Variants in STKLD1 observed in about 807,000 individuals in gnomAD.
The protein encoded by STKLD1 is serine/threonine kinase-like domain-containing protein STKLD1.
Under a neutral mutation model 80.4 loss-of-function variants are expected in STKLD1, and 79 were observed. That is an observed-to-expected ratio of 0.98 (90% CI 0.82 to 1.19). The LOEUF is 1.19. Ranked by LOEUF, STKLD1 falls within the 50% of genes most tolerant of loss-of-function variation. STKLD1 has a pLI of 0.00. For synonymous variants in STKLD1, 393 were observed against 357.6 expected (o/e 1.10, Z -1.12); for missense variants, 841 against 856.0 (o/e 0.98, Z 0.22).
At position 133,398,678 on chromosome 9, in the gene STKLD1, C is replaced by T. The variant is rs587770376; in HGVS notation, c.1081+623C>T. The stretch of plus-strand genomic sequence containing the variant: ...TCTGTTATCCTAGCTACTCAGGAGG[C>T]TGAGGCAGGAGGATTGCTTGAGCCC... On this transcript the variant is annotated intron_variant, in intron 11 of 17. Coordinates refer to ENST00000371957, the MANE Select transcript of STKLD1 (RefSeq NM_153710.5). Among the ~76,000 whole-genome samples, 48 of 152,264 alleles carry T rather than the reference C, an allele frequency of 3.2e-4. 2 individuals carry two copies. The South Asian group carries it at 9.7e-3, about 31-fold the overall frequency.
intron 1 of STKLD1, among the ~76,000 whole-genome samples, chr9:133,377,309 A>G (rs2130253399): frequency 6.6e-6 from 1 of 152,274 alleles, no homozygotes; most frequent in Admixed American, 6.5e-5. Flanking sequence ...TTACTGTTTA[A>G]TTTGCTGCCT....
chr9:133,392,776 TGGGC>T (rs1838439741), intron 7 of STKLD1, among the ~76,000 whole-genome samples: 1 of 64,540 alleles, frequency 1.5e-5, no homozygotes, highest in Non-Finnish European at 2.9e-5. Flanking sequence ...GATGGGTGGG[TGGGC>T]AGGTGGGTGG....
chr9:133,383,445 T>C (rs1434429642), intron 2 of STKLD1, among the ~76,000 whole-genome samples: 4 of 104,546 alleles, frequency 3.8e-5, no homozygotes, highest in African/African-American at 1.2e-4. Flanking sequence ...GTGGTGATGG[T>C]GGTGGTGATG....
rs2130274827 is a variant in STKLD1, at chr9:133,385,587, T to A, written c.220-30T>A. The A allele has an allele frequency of 1.9e-6, 3 of 1,609,118 alleles. No individual in the cohort carries two copies. Among genetic ancestry groups the A allele is most frequent in the African/African-American group, 2.7e-5 (2 of 74,850 alleles). On this transcript the variant is annotated intron_variant, in intron 3 of 17. Transcript: ENST00000371957. This position sits in a 1 kb window ranked among gnomAD's most constrained non-coding sequence, Gnocchi z 4.9. ...GAGAAAGGCGTGGAGAGGCACTGACTTCTCCGTTTCCTCTGCTCTATCCTG... is the reference window on the plus strand; with the variant it reads ...GAGAAAGGCGTGGAGAGGCACTGACATCTCCGTTTCCTCTGCTCTATCCTG...
At chr9:133,396,793 A>G (rs2130677407) in intron 9 of STKLD1, among the ~76,000 whole-genome samples, 1 of 152,216 alleles carries the variant, frequency 6.6e-6, no homozygotes, top group East Asian at 1.9e-4. Context: ...AAAAAACCCA[A>G]CATATAGCAA....
At chr9:133,383,059 TG>T (rs1838178983) in intron 2 of STKLD1, among the ~76,000 whole-genome samples, 1 of 151,202 alleles carries the variant, frequency 6.6e-6, no homozygotes, top group Non-Finnish European at 1.5e-5. Flanking sequence ...ATAGTGGTGA[TG>T]GTGACGGTGG....
chr9:133,396,789 C>A (rs1554776781), intron 9 of STKLD1, among the ~76,000 whole-genome samples: 1 of 152,034 alleles, frequency 6.6e-6, no homozygotes, highest in Non-Finnish European at 1.5e-5. Context: ...AAACAAAAAA[C>A]CCAACATATA....
At chr9:133,383,686 G>C (rs1838204258) in intron 2 of STKLD1, among the ~76,000 whole-genome samples, 170 bp from the exon 3 acceptor site, 1 of 138,788 alleles carries the variant, frequency 7.2e-6, no homozygotes, top group Non-Finnish European at 1.6e-5. Flanking sequence ...GGTGATGATG[G>C]TGACAGTGAT....
intron 11 of STKLD1, among the ~76,000 whole-genome samples, chr9:133,398,264 G>C (rs1020159219): frequency 2.6e-5 from 4 of 152,186 alleles, no homozygotes; most frequent in African/African-American, 9.7e-5. Context: ...TGGGTGGTGT[G>C]GCAGCCCTCA....
rs1482698748 is a variant in STKLD1 at position 133,400,523 on chromosome 9, G to C, written c.1192G>C (p.Gly398Arg). Reference protein sequence around the residue: ...CACSLLLHLLGQALVHHPEAK... With the variant: ...CACSLLLHLLRQALVHHPEAK... ...CTGCTCCCTGCTGCTGCACCTCCTGGGCCAAGGTGGGTGCCAAACCAGGCC... is the reference window on the plus strand; with the variant it reads ...CTGCTCCCTGCTGCTGCACCTCCTGCGCCAAGGTGGGTGCCAAACCAGGCC... The change falls in exon 12 of 18, where the codon GGC (glycine) becomes CGC (arginine). Residue 398 changes from glycine (G) to arginine (R), a missense_variant. Physicochemically the swap from Gly to Arg is moderately radical, Grantham distance 125 (BLOSUM62 -2). Coordinates refer to ENST00000371957, the MANE Select transcript of STKLD1 (RefSeq NM_153710.5). 1 of 1,611,614 alleles carries C rather than the reference G, an allele frequency of 6.2e-7. No homozygotes were observed. Among genetic ancestry groups the C allele is most frequent in the Non-Finnish European group, 8.5e-7 (1 of 1,179,288 alleles).
At position 133,376,497 on chromosome 9, in the gene STKLD1, C is replaced by A. The variant is rs952829768; in HGVS notation, c.24C>A (p.Arg8=). MLGPGSN[R]RRPTQGERGP... is the part of the protein sequence containing the mutation. The stretch of plus-strand genomic sequence containing the variant: ...TCATGCTTGGGCCAGGGTCCAATCG[C>A]AGGCGCCCCACGCAGGGGGAGCGAG... Residue 8 remains arginine, a synonymous_variant, in exon 1 of 18, where the codon CGC becomes CGA. Coordinates refer to ENST00000371957, the MANE Select transcript of STKLD1 (RefSeq NM_153710.5). The A allele has an allele frequency of 1.3e-6, 2 of 1,596,948 alleles. No individual in the cohort carries two copies. The highest frequency in any genetic ancestry group is 1.3e-5 in the African/African-American group (1 of 74,496).
chr9:133,402,496 CAACTGG>C (rs1193400802), intron 13 of STKLD1, among the ~76,000 whole-genome samples: 2 of 152,222 alleles, frequency 1.3e-5, no homozygotes, highest in African/African-American at 4.8e-5. Context: ...GAATAGATGT[CAACTGG>C]AACCCTCAGG....
rs1234533133 is a variant in STKLD1 at position 133,387,471 on chromosome 9, G to A, written c.319G>A (p.Val107Met). 6.2e-7 allele frequency: 1 copy of A among 1,614,072 alleles called. No individual in the cohort carries two copies. Among genetic ancestry groups the A allele is most frequent in the Non-Finnish European group, 8.5e-7 (1 of 1,179,998 alleles). Residue 107 changes from valine to methionine, a missense_variant, in exon 5 of 18, where the codon GTG (valine) becomes ATG (methionine). By Grantham distance (21) the Val-to-Met change is conservative. Coordinates refer to ENST00000371957, the MANE Select transcript of STKLD1 (RefSeq NM_153710.5). ...GATCTCTTCTCTGTACCTCTGCCTG[G>A]TGATGGAGTTCAATGAGCTCAGCTT... ...GEISSLYLCLVMEFNELSFQE... is the reference protein window; with the variant it reads ...GEISSLYLCLMMEFNELSFQE...
At chr9:133,395,893 C>G in intron 9 of STKLD1, 130 bp downstream of exon 9, 1 of 955,008 alleles carries the variant, frequency 1.0e-6, no homozygotes, top group East Asian at 2.6e-5. Context: ...CTGATTATCC[C>G]TGCACAGCTG....
chr9:133,390,570 G>A lies in STKLD1; in HGVS notation c.468-111G>A, dbSNP rs996055570. 6 of 738,504 alleles carry A rather than the reference G, an allele frequency of 8.1e-6. No homozygotes were observed. The highest frequency in any genetic ancestry group is 1.4e-5 in the Non-Finnish European group (6 of 419,966). 45.7% of individuals were successfully genotyped at this position (738,504 alleles called of 1,614,324 possible). ...TGCTGCTGCAGAACCAGGTGGGGCA[G>A]GGAGCAGAGAGTCAGGCTCAGCACA... is the stretch of plus-strand genomic sequence containing the variant. On this transcript the variant is annotated intron_variant, in intron 6 of 17. Transcript: ENST00000371957. The surrounding 1 kb of genome is among the most constrained non-coding windows in gnomAD (Gnocchi z 5.1).
chr9:133,391,938 AGATGAAGGGGTGGGTGGCAAGGGGAGAC>A (rs1464201909), intron 7 of STKLD1, among the ~76,000 whole-genome samples: 1 of 151,752 alleles, frequency 6.6e-6, no homozygotes, highest in Non-Finnish European at 1.5e-5. Flanking sequence ...ACAACCCAGG[AGATGAAGGGGTGGGTGGCAAGGGGAGAC>A]GAGTTCTCGT....
intron 14 of STKLD1, 107 bp downstream of exon 14, chr9:133,403,119 A>G: frequency 8.6e-7 from 1 of 1,159,162 alleles, no homozygotes; most frequent in Admixed American, 2.9e-5. Context: ...TGTCCCTAAA[A>G]CACAACAGCC....
At chr9:133,401,642 G>A in intron 12 of STKLD1, 96 bp from the exon 13 acceptor site, 1 of 1,429,796 alleles carries the variant, frequency 7.0e-7, no homozygotes, top group Non-Finnish European at 9.3e-7. Flanking sequence ...TTCATGCAAA[G>A]TGGAGATGCT....
At chr9:133,396,947 C>T (rs1299074303) in intron 9 of STKLD1, among the ~76,000 whole-genome samples, 1 of 152,156 alleles carries the variant, frequency 6.6e-6, no homozygotes, top group Non-Finnish European at 1.5e-5. Context: ...GGCCCTGCCT[C>T]CATGGAGTAC....
Sources: gnomAD v4.1 joint callset for allele counts (sites outside exome capture counted in the v4.1 genomes callset) on GRCh38, gnomAD v4.1.1 for gene constraint, Gnocchi (gnomAD v3.1) non-coding constraint, MANE v1.5 for transcripts, NCBI Gene and HGNC (gene_info 2026-07-23, HGNC 2026-07-21) for gene names.